KCTD16: variants seen among roughly 807,000 people sequenced by gnomAD.
The protein encoded by KCTD16 is potassium channel tetramerization domain containing 16.
KCTD16 carries 13 observed loss-of-function variants against 33.2 expected under a neutral mutation model. The ratio of observed to expected loss-of-function variants is 0.39; its 90% CI spans 0.25 to 0.62. The LOEUF is 0.62. Ranked by LOEUF, KCTD16 falls within the 20% of genes least tolerant of loss-of-function variation. KCTD16 has a pLI of 0.50. For synonymous variants in KCTD16, 197 were observed against 195.3 expected (o/e 1.01, Z -0.07); for missense variants, 441 against 525.1 (o/e 0.84, Z 1.57).
At chr5:144,321,236 G>T (rs753116707) in intron 3 of KCTD16, among the ~76,000 whole-genome samples, 29 of 152,130 alleles carry the variant, frequency 1.9e-4, no homozygotes, top group Middle Eastern at 6.8e-3. Context: ...AAACTGTAAG[G>T]TTCTTTGGAA....
At chr5:144,213,776 G>A (rs936978951) in intron 3 of KCTD16, among the ~76,000 whole-genome samples, 1 of 152,150 alleles carries the variant, frequency 6.6e-6, no homozygotes, top group Non-Finnish European at 1.5e-5. Context: ...GCTATTGGGT[G>A]TATTCTCTCC....
At chr5:144,341,730 C>G (rs1752651859) in intron 3 of KCTD16, among the ~76,000 whole-genome samples, 2 of 152,184 alleles carry the variant, frequency 1.3e-5, no homozygotes, top group South Asian at 4.1e-4. Context: ...TCAGCCATAG[C>G]AGGACATAGA....
chr5:144,302,848 G>A (rs955038380), intron 3 of KCTD16, among the ~76,000 whole-genome samples: 1 of 152,184 alleles, frequency 6.6e-6, no homozygotes, highest in Non-Finnish European at 1.5e-5. Flanking sequence ...TGATTAAAAA[G>A]CCCACTTGGC....
chr5:144,368,548 A>C (rs1471768443), intron 3 of KCTD16, among the ~76,000 whole-genome samples: 3 of 152,168 alleles, frequency 2.0e-5, no homozygotes, highest in African/African-American at 7.2e-5. Flanking sequence ...ATCTAAATGA[A>C]CTTGGAATCA....
intron 2 of KCTD16, among the ~76,000 whole-genome samples, chr5:144,180,866 C>T (rs1428583570): frequency 6.6e-6 from 1 of 152,102 alleles, no homozygotes; most frequent in Non-Finnish European, 1.5e-5. Flanking sequence ...ATTCTATTGG[C>T]TAGAAAACGT....
intron 3 of KCTD16, among the ~76,000 whole-genome samples, chr5:144,423,822 A>G (rs1753263493): frequency 6.6e-6 from 1 of 152,166 alleles, no homozygotes; most frequent in African/African-American, 2.4e-5. Flanking sequence ...TTCCCTGGGA[A>G]TTATGCTTTA....
At chr5:144,213,880 C>G (rs1179665240) in intron 3 of KCTD16, among the ~76,000 whole-genome samples, 1 of 152,162 alleles carries the variant, frequency 6.6e-6, no homozygotes, top group East Asian at 1.9e-4. Context: ...CACTTCCATT[C>G]TTGTCATTAG....
chr5:144,356,841 C>G (rs898276360), intron 3 of KCTD16, among the ~76,000 whole-genome samples: 74 of 152,112 alleles, frequency 4.9e-4, no homozygotes, highest in African/African-American at 1.6e-3. Flanking sequence ...ATGCCTTTCT[C>G]TCCATTCCCT....
chr5:144,372,205 CT>C (rs200508726), intron 3 of KCTD16, among the ~76,000 whole-genome samples: 486 of 142,104 alleles, frequency 3.4e-3, no homozygotes, highest in Admixed American at 4.0e-3. Context: ...CTCTGTGCTT[CT>C]TTTTTTTTTT....
At chr5:144,336,354 G>T (rs1033320991) in intron 3 of KCTD16, among the ~76,000 whole-genome samples, 2 of 152,204 alleles carry the variant, frequency 1.3e-5, no homozygotes, top group African/African-American at 4.8e-5. Context: ...CACAAAGTCT[G>T]CTAATCCAAG....
At chr5:144,233,278 A>AGGCT in intron 3 of KCTD16, among the ~76,000 whole-genome samples, 1 of 152,252 alleles carries the variant, frequency 6.6e-6, no homozygotes, top group East Asian at 1.9e-4. Flanking sequence ...GCTGAGATGA[A>AGGCT]GGCTGTGATC....
intron 3 of KCTD16, among the ~76,000 whole-genome samples, chr5:144,208,791 G>A (rs781561725): frequency 1.4e-4 from 21 of 152,192 alleles, no homozygotes; most frequent in Non-Finnish European, 2.8e-4. Flanking sequence ...GTATTGCATA[G>A]CCAGAACAAC....
rs1375013571 is a variant in KCTD16, at chr5:144,485,600, G to A, written c.*11486G>A. ...CTTGTGTGAATATAATTACAGAATA[G>A]GTAACTATTTTTATGTGTTTCCATA... On this transcript the variant is annotated 3_prime_UTR_variant, in exon 4 of 4. Coordinates refer to ENST00000512467, the MANE Select transcript of KCTD16 (RefSeq NM_020768.4). 2.0e-5 allele frequency: 3 copies of A among 151,828 alleles called. No homozygotes were observed. The highest frequency in any genetic ancestry group is 2.9e-5 in the Non-Finnish European group (2 of 67,882). The allele number at this position is 151,828 out of a possible 1,614,324, so 9.4% of individuals were successfully genotyped here.
At chr5:144,355,829 C>A (rs1751557670) in intron 3 of KCTD16, among the ~76,000 whole-genome samples, 2 of 152,266 alleles carry the variant, frequency 1.3e-5, no homozygotes, top group South Asian at 4.1e-4. Context: ...GTTCTATCTA[C>A]TCCCCTTGCT....
At chr5:144,349,097 G>C (rs993562593) in intron 3 of KCTD16, among the ~76,000 whole-genome samples, 2 of 152,132 alleles carry the variant, frequency 1.3e-5, no homozygotes, top group Admixed American at 1.3e-4. Context: ...ATTAATCTGG[G>C]CTGTTGGGCC....
intron 3 of KCTD16, among the ~76,000 whole-genome samples, chr5:144,347,990 A>AG (rs1752850621): frequency 6.6e-6 from 1 of 152,318 alleles, no homozygotes; most frequent in East Asian, 1.9e-4. Context: ...AGGTATACAT[A>AG]GGCAGCACAG....
At chr5:144,210,200 A>T (rs1369816057) in intron 3 of KCTD16, among the ~76,000 whole-genome samples, 1 of 152,058 alleles carries the variant, frequency 6.6e-6, no homozygotes, top group Non-Finnish European at 1.5e-5. Context: ...TTAAATTTTC[A>T]TGTGGACCTA....
At chr5:144,238,586 T>C (rs2126819333) in intron 3 of KCTD16, among the ~76,000 whole-genome samples, 1 of 152,264 alleles carries the variant, frequency 6.6e-6, no homozygotes, top group East Asian at 1.9e-4. Context: ...GGCTTTATCT[T>C]ATCATATGCC....
chr5:144,202,150 A>C (rs1753058075), intron 2 of KCTD16, among the ~76,000 whole-genome samples: 1 of 152,204 alleles, frequency 6.6e-6, no homozygotes. Flanking sequence ...CTCTTCCTCT[A>C]AGAGAAATCT....
Sources: gnomAD v4.1 joint callset for allele counts (sites outside exome capture counted in the v4.1 genomes callset) on GRCh38, gnomAD v4.1.1 for gene constraint, MANE v1.5 for transcripts, NCBI Gene and HGNC (gene_info 2026-07-23, HGNC 2026-07-21) for gene names.